Variants in PDCD6IP observed in about 807,000 individuals in gnomAD.
PDCD6IP encodes programmed cell death 6-interacting protein.
Under a neutral mutation model 103.7 loss-of-function variants are expected in PDCD6IP, and 43 were observed. The observed-to-expected ratio is 0.41, with a 90% CI of 0.32 to 0.53. The LOEUF (loss-of-function observed/expected upper bound fraction) is 0.53. PDCD6IP is among the 20% of genes least tolerant of loss of function. The pLI, the probability that PDCD6IP is intolerant of heterozygous loss-of-function variation, is 0.16. For missense variants in PDCD6IP, 871 were observed against 1,036.7 expected (o/e 0.84, Z 2.20); for synonymous variants, 354 against 378.7 (o/e 0.93, Z 0.76).
chr3:33,808,352 C>T (rs1351435045), intron 1 of PDCD6IP, among the ~76,000 whole-genome samples: 1 of 152,212 alleles, frequency 6.6e-6, no homozygotes, highest in African/African-American at 2.4e-5. Context: ...CAGCTCACTT[C>T]AGCCTTGACC....
At chr3:33,832,790 T>G (rs1349109740) in intron 7 of PDCD6IP, among the ~76,000 whole-genome samples, 1 of 152,192 alleles carries the variant, frequency 6.6e-6, no homozygotes, top group Non-Finnish European at 1.5e-5. Flanking sequence ...AGGTATTATC[T>G]CTCATTTTTT....
chr3:33,835,767 A>T (rs542137392), intron 7 of PDCD6IP, among the ~76,000 whole-genome samples: 7 of 152,280 alleles, frequency 4.6e-5, no homozygotes, highest in Non-Finnish European at 1.0e-4. Context: ...AGCTTTCTTC[A>T]ATGTCAGTTT....
intron 1 of PDCD6IP, among the ~76,000 whole-genome samples, chr3:33,807,683 C>T (rs773985895): frequency 1.2e-4 from 18 of 152,178 alleles, no homozygotes; most frequent in Non-Finnish European, 2.2e-4. Context: ...GGTACTTTTT[C>T]TTTGGAGAAT....
chr3:33,813,018 T>C (rs1696752599), intron 2 of PDCD6IP, among the ~76,000 whole-genome samples: 1 of 151,830 alleles, frequency 6.6e-6, no homozygotes, highest in Admixed American at 6.6e-5. Context: ...AGAGAGAGAG[T>C]TTTTTAATAA....
rs1697330430 is a variant in PDCD6IP at position 33,835,687 on chromosome 3, C to T, written c.835-357C>T. ...GAGCCGAGATCGCGCCACTGTGCTC[C>T]AGCCTGGGCGTCACAGAGTGAGACT... On this transcript the variant is annotated intron_variant, in intron 7 of 17. Coordinates refer to ENST00000307296, the MANE Select transcript of PDCD6IP (RefSeq NM_013374.6). 5.3e-5 allele frequency among the ~76,000 whole-genome samples: 8 copies of T among 151,928 alleles called. No individual in the cohort carries two copies. The South Asian group carries it at 1.7e-3, about 32-fold the overall frequency.
In PDCD6IP at chr3:33,845,476, A is replaced by G; in HGVS notation, c.1529A>G (p.Lys510Arg). 1 of 1,613,958 alleles carries G rather than the reference A, an allele frequency of 6.2e-7. No homozygotes were observed. The highest frequency in any genetic ancestry group is 8.5e-7 in the Non-Finnish European group (1 of 1,179,836). Residue 510 changes from lysine to arginine, a missense_variant, in exon 12 of 18, where the codon AAA (lysine) becomes AGA (arginine). By Grantham distance (26) the Lys-to-Arg change is conservative. Transcript: ENST00000307296. ...GCTGTGCAGGCAGATGGACAAGTGA[A>G]AGAATGTTACCAGTCTCATCGTGAC... Reference protein sequence around the residue: ...DKAVQADGQVKECYQSHRDTI... With the variant: ...DKAVQADGQVRECYQSHRDTI...
intron 15 of PDCD6IP, among the ~76,000 whole-genome samples, chr3:33,858,214 A>G (rs916887421): frequency 6.6e-6 from 1 of 152,268 alleles, no homozygotes; most frequent in African/African-American, 2.4e-5. Flanking sequence ...TAAGTTTGTC[A>G]TATATGAGAC....
intron 7 of PDCD6IP, among the ~76,000 whole-genome samples, chr3:33,829,240 A>G (rs1697194070): frequency 6.6e-6 from 1 of 151,550 alleles, no homozygotes; most frequent in African/African-American, 2.4e-5. Flanking sequence ...TGCCATCTCC[A>G]GATTGTTTTT....
chr3:33,804,931 T>C (rs769989315), intron 1 of PDCD6IP, among the ~76,000 whole-genome samples: 21 of 152,222 alleles, frequency 1.4e-4, no homozygotes, highest in Non-Finnish European at 3.1e-4. Flanking sequence ...CATCCTCTAG[T>C]TGGTGGTCTG....
chr3:33,842,684 G>A (rs1697501960), intron 10 of PDCD6IP, among the ~76,000 whole-genome samples: 1 of 152,062 alleles, frequency 6.6e-6, no homozygotes, highest in Non-Finnish European at 1.5e-5. Flanking sequence ...ATTTAGTGTA[G>A]AAAGTTCCTG....
intron 9 of PDCD6IP, among the ~76,000 whole-genome samples, chr3:33,840,176 T>A (rs1697437405): frequency 6.6e-6 from 1 of 152,170 alleles, no homozygotes; most frequent in South Asian, 2.1e-4. Context: ...ACTTTGTATA[T>A]GTATTATATA....
intron 11 of PDCD6IP, 129 bp from the exon 12 acceptor site, chr3:33,845,290 T>C (rs1471134747): frequency 1.9e-6 from 1 of 524,352 alleles, no homozygotes; most frequent in Non-Finnish European, 3.3e-6. Flanking sequence ...GTTTTTATTA[T>C]GAAGTGAATT....
At chr3:33,850,828 C>A in intron 12 of PDCD6IP, among the ~76,000 whole-genome samples, 1 of 151,988 alleles carries the variant, frequency 6.6e-6, no homozygotes, top group Non-Finnish European at 1.5e-5. Flanking sequence ...TTTCTAGACT[C>A]TAGGAATCAT....
Position 33,826,522 on chromosome 3 carries a change from C to T in PDCD6IP, c.659C>T (p.Ala220Val). 1 of 1,612,138 alleles carries T rather than the reference C, an allele frequency of 6.2e-7. No homozygotes were observed. Among genetic ancestry groups the T allele is most frequent in the Admixed American group, 1.7e-5 (1 of 59,844 alleles). The change falls in exon 6 of 18, where the codon GCT (alanine) becomes GTT (valine). Residue 220 changes from alanine to valine, a missense_variant. Coordinates refer to ENST00000307296, the MANE Select transcript of PDCD6IP (RefSeq NM_013374.6). ...ATCATAGCTAAATTGGCTAATCAGGCTGCAGATTATTTTGGTGATGCTTTC... is the reference window on the plus strand; with the variant it reads ...ATCATAGCTAAATTGGCTAATCAGGTTGCAGATTATTTTGGTGATGCTTTC... ...DAIIAKLANQ[A>V]ADYFGDAFKQ...
chr3:33,852,137 A>C (rs1027078345), intron 12 of PDCD6IP, among the ~76,000 whole-genome samples: 1 of 151,866 alleles, frequency 6.6e-6, no homozygotes, highest in Non-Finnish European at 1.5e-5. Context: ...TTTTTCTGAG[A>C]CTCGTTATCC....
intron 15 of PDCD6IP, among the ~76,000 whole-genome samples, chr3:33,861,074 T>C (rs758925430): frequency 4.6e-5 from 7 of 151,752 alleles, no homozygotes; most frequent in Non-Finnish European, 8.8e-5. Context: ...TATTTTAACA[T>C]ATAATCAATG....
At chr3:33,842,679 G>A (rs1044516727) in intron 10 of PDCD6IP, among the ~76,000 whole-genome samples, 3 of 152,052 alleles carry the variant, frequency 2.0e-5, no homozygotes, top group African/African-American at 4.8e-5. Flanking sequence ...TGCAAATTTA[G>A]TGTAGAAAGT....
chr3:33,865,245 T>C lies in PDCD6IP; in HGVS notation c.2247T>C (p.Pro749=), dbSNP rs74450908. The change falls in exon 17 of 18, where the codon CCT becomes CCC. Residue 749 remains proline (P), a splice_region_variant and synonymous_variant. Coordinates refer to ENST00000307296, the MANE Select transcript of PDCD6IP (RefSeq NM_013374.6). ...TCAATGCTGACTTTTTCTTATAGCC[T>C]ACTAAGCCCCAGCCCCCAGCCAGGC... The part of the protein sequence containing the change: ...PPTPAPRTMP[P]TKPQPPARPP... 2.7e-3 allele frequency: 4,086 copies of C among 1,532,506 alleles called. 92 individuals carry two copies. In the African/African-American group the frequency reaches 0.052, roughly 20 times the overall value. 94.9% of individuals were successfully genotyped at this position (1,532,506 alleles called of 1,614,324 possible). A position where few individuals can be genotyped will look rare whatever the true frequency, so the allele number is the denominator to read the frequency against.
At chr3:33,811,893 G>C (rs1696726628) in intron 1 of PDCD6IP, among the ~76,000 whole-genome samples, 179 bp from the exon 2 acceptor site, 1 of 152,126 alleles carries the variant, frequency 6.6e-6, no homozygotes, top group African/African-American at 2.4e-5. Flanking sequence ...TTTGTTCATA[G>C]TTTTTCACTG....
Sources: gnomAD v4.1 joint callset for allele counts (sites outside exome capture counted in the v4.1 genomes callset) on GRCh38, gnomAD v4.1.1 for gene constraint, MANE v1.5 for transcripts, NCBI Gene and HGNC (gene_info 2026-07-23, HGNC 2026-07-21) for gene names.